Variants in CACNB2 observed in about 807,000 individuals in gnomAD.
The protein encoded by CACNB2 is voltage-dependent L-type calcium channel subunit beta-2.
Under a neutral mutation model 73.3 loss-of-function variants are expected in CACNB2, and 42 were observed. The ratio of observed to expected loss-of-function variants is 0.57; its 90% confidence interval spans 0.45 to 0.74. The LOEUF is 0.74. CACNB2 is among the 30% of genes least tolerant of loss of function. CACNB2 has a pLI of 0.00. For missense variants in CACNB2, 940 were observed against 853.0 expected, an observed-to-expected ratio of 1.10 and a Z score of -1.27; for synonymous variants, 348 against 310.3, an observed-to-expected ratio of 1.12 and a Z score of -1.28.
rs2039170062 is a variant in CACNB2, at chr10:18,293,875, A to G, written c.214-108049A>G. Among the ~76,000 whole-genome samples, 2 of 152,208 alleles carry G rather than the reference A, an allele frequency of 1.3e-5. 1 individual carries two copies. Among genetic ancestry groups the G allele is most frequent in the South Asian group, 4.1e-4 (2 of 4,836 alleles). On this transcript the variant is annotated intron_variant, in intron 2 of 13. Coordinates refer to ENST00000324631, the MANE Select transcript of CACNB2 (RefSeq NM_201596.3). ...TCCTTAGTTTGACTTTAGGGCATAG[A>G]GAGAGAGACTTTGAAATGTTGATCA...
At chr10:18,525,029 T>TAA (rs35445837) in intron 9 of CACNB2, among the ~76,000 whole-genome samples, 7,615 of 108,024 alleles carry the variant, frequency 0.07, 328 homozygotes, top group South Asian at 0.093. Context: ...AGATGCTGTC[T>TAA]AAAAAAAAAA....
chr10:18,146,853 C>CCT (rs2031042318), intron 1 of CACNB2, among the ~76,000 whole-genome samples: 1 of 152,140 alleles, frequency 6.6e-6, no homozygotes, highest in East Asian at 1.9e-4. Context: ...AAACTCCTGA[C>CCT]CTCAGGTGGT....
At chr10:18,268,813 A>G (rs1208860515) in intron 2 of CACNB2, among the ~76,000 whole-genome samples, 3 of 152,232 alleles carry the variant, frequency 2.0e-5, no homozygotes, top group Non-Finnish European at 4.4e-5. Context: ...CTACCTCACT[A>G]GAAAACACTC....
chr10:18,174,386 T>TTTTC (rs1554765264), intron 2 of CACNB2, among the ~76,000 whole-genome samples: 2 of 140,104 alleles, frequency 1.4e-5, no homozygotes, highest in Non-Finnish European at 3.0e-5. Flanking sequence ...TCTTTTTCTT[T>TTTTC]TCTTTCTTTC....
intron 9 of CACNB2, among the ~76,000 whole-genome samples, chr10:18,526,291 G>C (rs954552994): frequency 6.6e-6 from 1 of 152,148 alleles, no homozygotes; most frequent in Non-Finnish European, 1.5e-5. Flanking sequence ...TGAGAAGAAA[G>C]GCTGAAGACT....
At chr10:18,209,114 G>A (rs1423342551) in intron 2 of CACNB2, among the ~76,000 whole-genome samples, 1 of 152,148 alleles carries the variant, frequency 6.6e-6, no homozygotes, top group Non-Finnish European at 1.5e-5. Flanking sequence ...TAATGGGCTT[G>A]ACTGCATGTG....
At chr10:18,178,538 TTTA>T (rs926150980) in intron 2 of CACNB2, among the ~76,000 whole-genome samples, 16 of 152,154 alleles carry the variant, frequency 1.1e-4, no homozygotes, top group African/African-American at 3.9e-4. Context: ...TCCTTTTATT[TTTA>T]TTATTTTTTT....
chr10:18,521,918 G>A (rs374659853), intron 9 of CACNB2, among the ~76,000 whole-genome samples: 32 of 152,300 alleles, frequency 2.1e-4, no homozygotes, highest in African/African-American at 6.7e-4. Flanking sequence ...TCACAGATCA[G>A]TACTGGTCCA....
intron 3 of CACNB2, 125 bp downstream of exon 3, chr10:18,402,168 A>G: frequency 8.9e-7 from 1 of 1,125,266 alleles, no homozygotes; most frequent in Non-Finnish European, 1.3e-6. Context: ...GGTTTTAGAA[A>G]GGTACAAAAA....
intron 2 of CACNB2, among the ~76,000 whole-genome samples, chr10:18,369,736 G>C (rs1315008625): frequency 6.6e-6 from 1 of 151,950 alleles, no homozygotes; most frequent in African/African-American, 2.4e-5. Flanking sequence ...ATGAAACCCT[G>C]TCTCTACTAA....
chr10:18,246,223 T>G (rs2036853849), intron 2 of CACNB2, among the ~76,000 whole-genome samples: 1 of 152,190 alleles, frequency 6.6e-6, no homozygotes, highest in Non-Finnish European at 1.5e-5. Flanking sequence ...TCAGCTTTCC[T>G]GTGTGCTAAA....
intron 3 of CACNB2, among the ~76,000 whole-genome samples, chr10:18,463,985 A>C (rs769789978): frequency 2.0e-5 from 3 of 151,788 alleles, no homozygotes; most frequent in Non-Finnish European, 4.4e-5. Context: ...GCTCTAACAC[A>C]TTGCTCCCAA....
intron 2 of CACNB2, among the ~76,000 whole-genome samples, chr10:18,257,737 CTG>C (rs2037344340): frequency 6.6e-6 from 1 of 152,070 alleles, no homozygotes; most frequent in African/African-American, 2.4e-5. Flanking sequence ...CTCTGAAACA[CTG>C]TGTTCTCTTT....
chr10:18,524,727 A>G (rs1162371179), intron 9 of CACNB2, among the ~76,000 whole-genome samples: 1 of 151,644 alleles, frequency 6.6e-6, no homozygotes, highest in Admixed American at 6.6e-5. Flanking sequence ...GAAAATACAC[A>G]AGAAAAAGTA....
intron 7 of CACNB2, chr10:18,515,026 G>C (rs752759718): frequency 1.9e-6 from 3 of 1,613,628 alleles, no homozygotes; most frequent in Non-Finnish European, 2.5e-6. Context: ...CTGCAGGCTT[G>C]TTTTGGCGGT....
chr10:18,498,028 T>C (rs1203453667), intron 3 of CACNB2, among the ~76,000 whole-genome samples: 1 of 152,218 alleles, frequency 6.6e-6, no homozygotes, highest in African/African-American at 2.4e-5. Flanking sequence ...ATTTTATTCA[T>C]GTTTGTGTTT....
At chr10:18,524,614 C>T (rs1038404853) in intron 9 of CACNB2, among the ~76,000 whole-genome samples, 2 of 148,588 alleles carry the variant, frequency 1.3e-5, no homozygotes, top group African/African-American at 5.0e-5. Flanking sequence ...AAGATCACAC[C>T]ATTGCATTCT....
intron 2 of CACNB2, among the ~76,000 whole-genome samples, chr10:18,187,387 C>G (rs2034201242): frequency 6.6e-6 from 1 of 152,130 alleles, no homozygotes; most frequent in African/African-American, 2.4e-5. Flanking sequence ...AGAATGTGCA[C>G]TATGCATTAG....
At chr10:18,447,080 T>A (rs544700626) in intron 3 of CACNB2, among the ~76,000 whole-genome samples, 1 of 151,640 alleles carries the variant, frequency 6.6e-6, no homozygotes, top group Non-Finnish European at 1.5e-5. Context: ...AATAAATAAA[T>A]AAAAAGTTGA....
Sources: allele counts gnomAD v4.1 joint callset (sites outside exome capture counted in the v4.1 genomes callset), GRCh38; gene constraint gnomAD v4.1.1; transcripts MANE v1.5; gene names NCBI Gene and HGNC (gene_info 2026-07-23, HGNC 2026-07-21).